The following DCT variants were observed in gnomAD, a reference collection of about 807,000 sequenced individuals.
DCT encodes the protein dopachrome tautomerase, also known as L-dopachrome tautomerase.
A neutral mutation model predicts 53.0 loss-of-function variants in DCT; 47 were observed. That is an observed-to-expected ratio of 0.89 (90% CI 0.70 to 1.13). The LOEUF (loss-of-function observed/expected upper bound fraction) is 1.13. Ranked by LOEUF, DCT falls within the 50% of genes most tolerant of loss-of-function variation. The pLI, the probability that DCT is intolerant of heterozygous loss-of-function variation, is 0.00. For synonymous variants in DCT, 244 were observed against 237.0 expected (o/e 1.03, Z -0.27); for missense variants, 669 against 637.4 (o/e 1.05, Z -0.53).
At chr13:94,523,063 G>A in the DCT span, among the ~76,000 whole-genome samples, 1 of 152,284 alleles carries the variant, frequency 6.6e-6, no homozygotes, top group African/African-American at 2.4e-5. Flanking sequence ...CAGTAGAAGG[G>A]GGCCTGGGGT....
chr13:94,467,966 G>A (rs1435119261), intron 2 of DCT: 1 of 152,034 alleles, frequency 6.6e-6, no homozygotes, highest in Non-Finnish European at 1.5e-5. Context: ...GAAAAATAAG[G>A]ACAAAGCTGA....
Position 94,463,654 on chromosome 13 carries a change from G to T in DCT, c.864-1465C>A, listed in dbSNP as rs147219241. Among the ~76,000 whole-genome samples the T allele has an allele frequency of 1.1e-3, 175 of 152,242 alleles. 1 individual carries two copies. The highest frequency in any genetic ancestry group is 4.0e-3 in the African/African-American group (168 of 41,550). ...CTATGTTACTCAGGCTGGTCTCGAAGTCCTGGCCTCAAGTGATCCCCCTGC... is the reference window on the plus strand; with the variant it reads ...CTATGTTACTCAGGCTGGTCTCGAATTCCTGGCCTCAAGTGATCCCCCTGC... On this transcript the variant is annotated intron_variant, in intron 4 of 7. Transcript: ENST00000377028.
the DCT span, among the ~76,000 whole-genome samples, chr13:94,536,831 C>A: frequency 3.9e-5 from 6 of 152,086 alleles, no homozygotes; most frequent in Admixed American, 3.9e-4. Flanking sequence ...GTAATCCCAG[C>A]TACTCTGAAG....
intron 6 of DCT, among the ~76,000 whole-genome samples, chr13:94,453,047 GC>G (rs1169119421): frequency 1.3e-5 from 2 of 152,080 alleles, no homozygotes; most frequent in Middle Eastern, 3.4e-3. Context: ...AGAAAACTAT[GC>G]AACAACCTAA....
At chr13:94,470,629 C>CT (rs943599155) in intron 1 of DCT, among the ~76,000 whole-genome samples, 1 of 152,198 alleles carries the variant, frequency 6.6e-6, no homozygotes, top group African/African-American at 2.4e-5. Flanking sequence ...TCCTCCTCCT[C>CT]TACCTCATGC....
At chr13:94,548,931 G>A in the DCT span, among the ~76,000 whole-genome samples, 683 of 151,584 alleles carry the variant, frequency 4.5e-3, 7 homozygotes, top group African/African-American at 0.016. Context: ...CCAGGGCCGA[G>A]AATGTGCATT....
chr13:94,495,171 A>T, the DCT span, among the ~76,000 whole-genome samples: 1 of 151,776 alleles, frequency 6.6e-6, no homozygotes, highest in Admixed American at 6.6e-5. Context: ...ATCTTGGCTC[A>T]CTACAACCTC....
the DCT span, among the ~76,000 whole-genome samples, chr13:94,527,628 G>T: frequency 6.6e-6 from 1 of 152,206 alleles, no homozygotes; most frequent in Admixed American, 6.5e-5. Context: ...AACCCCATCT[G>T]TAGGTTACCA....
chr13:94,490,750 T>C, the DCT span, among the ~76,000 whole-genome samples: 1 of 142,306 alleles, frequency 7.0e-6, no homozygotes, highest in South Asian at 2.2e-4. Flanking sequence ...TAAATTTTGT[T>C]GTAATGAATT....
upstream of DCT, among the ~76,000 whole-genome samples, chr13:94,480,027 G>T (rs1885372253): frequency 6.6e-6 from 1 of 152,052 alleles, no homozygotes; most frequent in Non-Finnish European, 1.5e-5. Context: ...TCTGACATGT[G>T]TGCAAAAAAG....
chr13:94,492,498 CCTT>C, the DCT span, among the ~76,000 whole-genome samples: 2,829 of 152,228 alleles, frequency 0.019, 36 homozygotes, highest in Non-Finnish European at 0.031. Context: ...TCACTCCCTG[CCTT>C]CTGTTAATAT....
intron 6 of DCT, chr13:94,452,773 A>G (rs1883180288): frequency 1.9e-6 from 1 of 530,006 alleles, no homozygotes; most frequent in South Asian, 3.0e-5. Flanking sequence ...AAAAAAGAAT[A>G]AGAATGCCCT....
intron 5 of DCT, 111 bp from the exon 6 acceptor site, chr13:94,460,337 G>A: frequency 1.0e-6 from 1 of 966,272 alleles, no homozygotes; most frequent in Non-Finnish European, 1.6e-6. Flanking sequence ...GTAGGGATAT[G>A]GGAAGCTCTG....
Position 94,443,638 on chromosome 13 carries a change from C to G in DCT, c.1180-1G>C, listed in dbSNP as rs570686280. 1.3e-5 allele frequency: 21 copies of G among 1,611,806 alleles called. No homozygotes were observed. The highest frequency in any genetic ancestry group is 6.6e-5 in the South Asian group (6 of 91,006). ...TGGCATCAGTAAAGGAATGAAGAAC[C>G]TGCAAAACAGTTGGACACAGCATTT... On this transcript the variant is annotated splice_acceptor_variant, in intron 6 of 7. Coordinates refer to ENST00000377028, the MANE Select transcript of DCT (RefSeq NM_001922.5). LOFTEE classifies it high-confidence loss of function.
At chr13:94,446,746 C>T (rs1249360462) in intron 6 of DCT, among the ~76,000 whole-genome samples, 5 of 152,138 alleles carry the variant, frequency 3.3e-5, no homozygotes, top group Non-Finnish European at 7.4e-5. Context: ...CCAGACCTCA[C>T]TCCTACCTTC....
Position 94,465,799 on chromosome 13 carries a change from G to A in DCT, c.697C>T (p.Arg233Ter), listed in dbSNP as rs369436840. Reference protein sequence around the residue: ...HLLCLERDLQRLIGNESFALP... With the variant: ...HLLCLERDLQ Reference sequence around the variant, plus strand: ...GCAAAAGACTCATTGCCAATGAGTCGCTAAAAGCAAAGGGCAGGCCTAGTC... The same window carrying A: ...GCAAAAGACTCATTGCCAATGAGTCACTAAAAGCAAAGGGCAGGCCTAGTC... The change falls in exon 4 of 8, where the codon CGA becomes TGA. Residue 233 changes from arginine to a stop codon, truncating the protein, a stop_gained and splice_region_variant. Coordinates refer to ENST00000377028, the MANE Select transcript of DCT (RefSeq NM_001922.5). LOFTEE classifies it high-confidence loss of function. The A allele has an allele frequency of 1.3e-5, 21 of 1,604,686 alleles. No homozygotes were observed. In the South Asian group the frequency reaches 1.3e-4, roughly 10 times the overall value.
Position 94,462,024 on chromosome 13 carries a change from A to G in DCT, c.1029T>C (p.Ser343=), listed in dbSNP as rs1387541518. ...KFDNPPFFQN[S]TFSFRNALEG... ...AGAGCACCCACCTGAAACTGAAGGT[A>G]GAGTTCTGGAAGAAGGGAGGATTGT... Residue 343 remains serine (S), a synonymous_variant, in exon 5 of 8, where the codon TCT becomes TCC. Transcript: ENST00000377028. 1 of 1,613,380 alleles carries G rather than the reference A, an allele frequency of 6.2e-7. No individual in the cohort carries two copies.
At chr13:94,537,264 G>A in the DCT span, among the ~76,000 whole-genome samples, 3 of 152,136 alleles carry the variant, frequency 2.0e-5, no homozygotes, top group African/African-American at 7.2e-5. Flanking sequence ...ACATCTGAAA[G>A]GTTTCCCAAA....
chr13:94,518,147 AAGGAAG>A, the DCT span, among the ~76,000 whole-genome samples: 168 of 145,550 alleles, frequency 1.2e-3, 1 homozygote, highest in African/African-American at 4.0e-3. Flanking sequence ...GGAAGGAAGG[AAGGAAG>A]GAATGAAGGA....
Sources: gnomAD v4.1 joint callset for allele counts (sites outside exome capture counted in the v4.1 genomes callset) on GRCh38, gnomAD v4.1.1 for gene constraint, MANE v1.5 for transcripts, NCBI Gene and HGNC (gene_info 2026-07-23, HGNC 2026-07-21) for gene names.